The following PIK3R3 variants were observed in gnomAD, a reference collection of about 807,000 sequenced individuals.
PIK3R3 encodes the protein phosphoinositide-3-kinase regulatory subunit 3.
In PIK3R3, 64 loss-of-function variants were observed where a neutral mutation model predicts 62.9. The ratio of observed to expected loss-of-function variants is 1.02; its 90% CI spans 0.83 to 1.25. The LOEUF (loss-of-function observed/expected upper bound fraction) is 1.25. Among genes scored for constraint, PIK3R3 ranks in the 50% most tolerant of loss-of-function variants. The pLI is 0.00. For synonymous variants in PIK3R3, 165 were observed against 189.0 expected, an observed-to-expected ratio of 0.87 and a Z score of 1.04; for missense variants, 614 against 561.6, an observed-to-expected ratio of 1.09 and a Z score of -0.94.
rs561195918 is a variant in PIK3R3 at position 46,067,186 on chromosome 1, GAT to G, written c.315-97_315-96del. 2,099 of 884,600 alleles carry G rather than the reference GAT, an allele frequency of 2.4e-3. 3 individuals carry two copies. The highest frequency in any genetic ancestry group is 3.2e-3 in the Non-Finnish European group (1,859 of 588,384). 54.8% of individuals were successfully genotyped at this position (884,600 alleles called of 1,614,324 possible). ...GAGACGTGAAAGCTTGGTGTCACAT[GAT>G]AAACAAGTTTTACTATGTTAATGAG... On this transcript the variant is annotated intron_variant, in intron 3 of 9. Coordinates refer to ENST00000262741, the MANE Select transcript of PIK3R3 (RefSeq NM_003629.4).
chr1:46,055,541 A>G (rs1196075602), intron 7 of PIK3R3, among the ~76,000 whole-genome samples: 1 of 152,210 alleles, frequency 6.6e-6, no homozygotes, highest in Non-Finnish European at 1.5e-5. Flanking sequence ...TACTCATGCC[A>G]CAGCCAGCCT....
chr1:46,053,236 A>G lies in PIK3R3; in HGVS notation c.941+2559T>C, dbSNP rs374609610. Among the ~76,000 whole-genome samples the G allele has an allele frequency of 7.9e-5, 12 of 151,780 alleles. No individual in the cohort carries two copies. In the South Asian group the frequency reaches 8.3e-4, roughly 11 times the overall value. On this transcript the variant is annotated intron_variant, in intron 7 of 9. Transcript: ENST00000262741. ...CATCCATGATGTTATCTAAACTCTT[A>G]TATTTGTTGTTGTTGTTGTGGTGTC...
At chr1:46,115,011 A>T (rs1654061774) in intron 1 of PIK3R3, among the ~76,000 whole-genome samples, 1 of 152,128 alleles carries the variant, frequency 6.6e-6, no homozygotes, top group Admixed American at 6.6e-5. Context: ...AGATTTTAAG[A>T]CAGTGATCCT....
At chr1:46,143,312 C>A in the PIK3R3 span, among the ~76,000 whole-genome samples, 5 of 152,040 alleles carry the variant, frequency 3.3e-5, no homozygotes, top group African/African-American at 9.7e-5. Flanking sequence ...GTAGTAGATA[C>A]CTTTTTTGTG....
intron 1 of PIK3R3, among the ~76,000 whole-genome samples, chr1:46,101,718 T>C (rs1652695409): frequency 6.6e-6 from 1 of 152,144 alleles, no homozygotes; most frequent in African/African-American, 2.4e-5. Flanking sequence ...TCAATTTACA[T>C]GAAATATCTA....
At chr1:46,146,137 T>A in the PIK3R3 span, among the ~76,000 whole-genome samples, 1 of 152,184 alleles carries the variant, frequency 6.6e-6, no homozygotes, top group Non-Finnish European at 1.5e-5. Context: ...TCCAACTACA[T>A]TCTGTTACTT....
chr1:46,077,499 A>C lies in PIK3R3; in HGVS notation c.314+16T>G. ...ACATCAGTAGAGAACTAGCCAAAAG[A>C]CTGAAAAGTACTTACCGCAAAGTCA... On this transcript the variant is annotated intron_variant, in intron 3 of 9. Coordinates refer to ENST00000262741, the MANE Select transcript of PIK3R3 (RefSeq NM_003629.4). The C allele has an allele frequency of 6.9e-7, 1 of 1,439,846 alleles. No homozygotes were observed. Among genetic ancestry groups the C allele is most frequent in the Non-Finnish European group, 9.8e-7 (1 of 1,021,610 alleles). 89.2% of individuals were successfully genotyped at this position (1,439,846 alleles called of 1,614,324 possible).
intron 7 of PIK3R3, among the ~76,000 whole-genome samples, chr1:46,050,121 C>CAAA (rs1265958044): frequency 1.2e-3 from 93 of 78,944 alleles, no homozygotes; most frequent in Admixed American, 2.1e-3. Context: ...AACTCTGTCT[C>CAAA]AAAAAAAAAA....
rs750573301 is a variant in PIK3R3, at chr1:46,043,791, C to A, written c.1268G>T (p.Ser423Ile). ...YGFAEPYNLY[S>I]SLKELVLHYQ... ...ATGGAGCACTAGCTCCTTCAGAGAG[C>A]TGTACAGGTTGTAGGGCTCTGCAAA... The change falls in exon 10 of 10, where the codon AGC (serine) becomes ATC (isoleucine). Residue 423 changes from serine to isoleucine, a missense_variant. Ser to Ile is a moderately radical substitution (Grantham distance 142). Transcript: ENST00000262741. 3.1e-6 allele frequency: 5 copies of A among 1,614,160 alleles called. No individual in the cohort carries two copies. In the Admixed American group the frequency reaches 8.3e-5, roughly 27 times the overall value.
intron 1 of PIK3R3, among the ~76,000 whole-genome samples, chr1:46,123,792 A>G (rs938858356): frequency 7.2e-5 from 11 of 152,236 alleles, no homozygotes; most frequent in African/African-American, 2.7e-4. Flanking sequence ...GGCTAAAAGA[A>G]TACATATAAA....
intron 6 of PIK3R3, among the ~76,000 whole-genome samples, chr1:46,057,754 A>G (rs918449704): frequency 1.3e-5 from 2 of 152,220 alleles, no homozygotes; most frequent in East Asian, 1.9e-4. Context: ...CAAAGCATTC[A>G]AGAGGTGACG....
chr1:46,066,050 C>T lies in PIK3R3; in HGVS notation c.621+4G>A. The T allele has an allele frequency of 6.2e-7, 1 of 1,607,050 alleles. No individual in the cohort carries two copies. Among genetic ancestry groups the T allele is most frequent in the East Asian group, 2.2e-5 (1 of 44,658 alleles). On this transcript the variant is annotated splice_donor_region_variant and intron_variant, in intron 5 of 9. Coordinates refer to ENST00000262741, the MANE Select transcript of PIK3R3 (RefSeq NM_003629.4). ...ATTAGTCAAAAACAACATAATATAC[C>T]AACCTGGGATGTTCTAGTATATTCT...
the PIK3R3 span, among the ~76,000 whole-genome samples, chr1:46,145,235 TCCTAC>T: frequency 1.3e-5 from 2 of 152,042 alleles, no homozygotes; most frequent in Non-Finnish European, 2.9e-5. Context: ...CCCTTTTTCT[TCCTAC>T]CCTTGGCTCT....
At chr1:46,157,145 T>C in the PIK3R3 span, among the ~76,000 whole-genome samples, 1 of 152,176 alleles carries the variant, frequency 6.6e-6, no homozygotes, top group Non-Finnish European at 1.5e-5. Context: ...GGCTTTCCTA[T>C]TTATTTTAGG....
At chr1:46,087,366 C>T (rs1285360567) in intron 1 of PIK3R3, among the ~76,000 whole-genome samples, 4 of 151,568 alleles carry the variant, frequency 2.6e-5, no homozygotes, top group African/African-American at 9.7e-5. Context: ...GAACACCAAG[C>T]TCGCTGAGAA....
chr1:46,083,732 A>T (rs1327503579), intron 1 of PIK3R3, among the ~76,000 whole-genome samples: 1 of 152,184 alleles, frequency 6.6e-6, no homozygotes, highest in Non-Finnish European at 1.5e-5. Flanking sequence ...ACAGTGAAAT[A>T]CCACTTCACA....
At chr1:46,108,990 T>G (rs1487947761) in intron 1 of PIK3R3, among the ~76,000 whole-genome samples, 11 of 152,114 alleles carry the variant, frequency 7.2e-5, no homozygotes, top group Admixed American at 6.5e-4. Context: ...AAACCGTGTC[T>G]CTACTAAAAA....
rs895994574 is a variant in PIK3R3, at chr1:46,046,561, C to T, written c.1006G>A (p.Asp336Asn). The change falls in exon 8 of 10, where the codon GAT (aspartate) becomes AAT (asparagine). Residue 336 changes from aspartate (D) to asparagine (N), a missense_variant. By Grantham distance (23) the Asp-to-Asn change is conservative. Transcript: ENST00000262741. Reference sequence around the variant, plus strand: ...ATAGAGAGAACTTACTCATCAGCATCCTCATTCTTAATTCCCAGCCAGACA... The same window carrying T: ...ATAGAGAGAACTTACTCATCAGCATTCTCATTCTTAATTCCCAGCCAGACA... ...LNVWLGIKNE[D>N]ADENYFINEE... 1 of 1,610,142 alleles carries T rather than the reference C, an allele frequency of 6.2e-7. No individual in the cohort carries two copies. The highest frequency in any genetic ancestry group is 1.3e-5 in the African/African-American group (1 of 74,838).
At chr1:46,091,138 C>CTTTTT (rs148774563) in intron 1 of PIK3R3, among the ~76,000 whole-genome samples, 1 of 127,652 alleles carries the variant, frequency 7.8e-6, no homozygotes, top group African/African-American at 2.9e-5. Flanking sequence ...AGCATTTTAA[C>CTTTTT]TTTTTTTTTT....
Sources: allele counts gnomAD v4.1 joint callset (sites outside exome capture counted in the v4.1 genomes callset), GRCh38; gene constraint gnomAD v4.1.1; transcripts MANE v1.5; gene names NCBI Gene and HGNC (gene_info 2026-07-23, HGNC 2026-07-21).